Variants in FGF2 observed in about 807,000 individuals in gnomAD.
The protein encoded by FGF2 is fibroblast growth factor 2, also known as basic fibroblast growth factor bFGF.
A neutral mutation model predicts 15.9 loss-of-function variants in FGF2; 13 were observed. That is an observed-to-expected ratio of 0.82 (90% CI 0.53 to 1.30). FGF2 has a LOEUF of 1.30. Ranked by LOEUF, FGF2 falls within the 50% of genes most tolerant of loss-of-function variation. The probability of loss-of-function intolerance (pLI) is 0.00; values close to 1 mark genes in which losing one functional copy is unlikely to be tolerated. For missense variants in FGF2, 163 were observed against 196.9 expected, an observed-to-expected ratio of 0.83 and a Z score of 1.03; for synonymous variants, 90 against 78.4, an observed-to-expected ratio of 1.15 and a Z score of -0.78.
intron 1 of FGF2, among the ~76,000 whole-genome samples, chr4:122,849,122 T>C (rs146910439): frequency 2.1e-4 from 32 of 152,280 alleles, no homozygotes; most frequent in African/African-American, 5.8e-4. Context: ...ACCAAATACA[T>C]AGACATTTTA....
intron 1 of FGF2, among the ~76,000 whole-genome samples, chr4:122,875,557 C>T (rs1436208693): frequency 6.6e-6 from 1 of 151,864 alleles, no homozygotes; most frequent in Non-Finnish European, 1.5e-5. Flanking sequence ...GCCTGTAATC[C>T]CAGCACTTTG....
intron 1 of FGF2, among the ~76,000 whole-genome samples, chr4:122,831,578 G>A (rs1725767581): frequency 6.6e-6 from 1 of 152,202 alleles, no homozygotes; most frequent in Admixed American, 6.5e-5. Flanking sequence ...GTAAACAAAT[G>A]AAGTCAGAAT....
intron 1 of FGF2, among the ~76,000 whole-genome samples, chr4:122,858,639 C>A (rs1292799368): frequency 6.6e-6 from 1 of 152,152 alleles, no homozygotes; most frequent in African/African-American, 2.4e-5. Context: ...CTCAGGCAAT[C>A]TGCCTGCCTT....
intron 2 of FGF2, among the ~76,000 whole-genome samples, chr4:122,880,656 C>T (rs1726943771): frequency 6.6e-6 from 1 of 152,150 alleles, no homozygotes; most frequent in African/African-American, 2.4e-5. Context: ...CAGCTCTGCC[C>T]CTGTGGCTTT....
At chr4:122,861,707 A>G (rs774242680) in intron 1 of FGF2, among the ~76,000 whole-genome samples, 1 of 152,020 alleles carries the variant, frequency 6.6e-6, no homozygotes, top group Admixed American at 6.6e-5. Flanking sequence ...TAGTATTCAG[A>G]GCCTCTGGTA....
In FGF2 at chr4:122,894,071, T is replaced by G. The variant is rs1384604130; in HGVS notation, c.*1675T>G. 1 of 152,222 alleles carries G rather than the reference T, an allele frequency of 6.6e-6. No individual in the cohort carries two copies. The highest frequency in any genetic ancestry group is 1.5e-5 in the Non-Finnish European group (1 of 68,032). 9.4% of individuals were successfully genotyped at this position (152,222 alleles called of 1,614,324 possible). On this transcript the variant is annotated 3_prime_UTR_variant, in exon 3 of 3. Coordinates refer to ENST00000644866, the MANE Select transcript of FGF2 (RefSeq NM_001361665.2). ...AGGAAGTCACAGAAACATGTCTCAA[T>G]TCCCATGTGCTGTGACTGTAGACTG...
At chr4:122,839,680 C>A (rs1294876222) in intron 1 of FGF2, among the ~76,000 whole-genome samples, 1 of 152,184 alleles carries the variant, frequency 6.6e-6, no homozygotes, top group Non-Finnish European at 1.5e-5. Context: ...CTTCTCTTCT[C>A]AGGCCCTGTC....
intron 1 of FGF2, among the ~76,000 whole-genome samples, chr4:122,862,607 A>G (rs1726495192): frequency 6.6e-6 from 1 of 152,294 alleles, no homozygotes; most frequent in East Asian, 1.9e-4. Flanking sequence ...GATTGTGTCA[A>G]TTCTCCTTTG....
At chr4:122,888,685 T>C (rs1435014413) in intron 2 of FGF2, 3 of 152,212 alleles carry the variant, frequency 2.0e-5, no homozygotes, top group African/African-American at 7.2e-5. Flanking sequence ...AACGCCTTCA[T>C]CTCCTTCAAG....
At chr4:122,871,981 A>G (rs745503926) in intron 1 of FGF2, among the ~76,000 whole-genome samples, 11 of 152,162 alleles carry the variant, frequency 7.2e-5, no homozygotes, top group South Asian at 6.2e-4. Flanking sequence ...AATGATCGCA[A>G]TGTCTCTCCA....
rs757751594 is a variant in FGF2, at chr4:122,893,244, G to T, written c.*848G>T. 6.4e-7 allele frequency: 1 copy of T among 1,560,786 alleles called. No individual in the cohort carries two copies. Among genetic ancestry groups the T allele is most frequent in the South Asian group, 1.2e-5 (1 of 82,434 alleles). On this transcript the variant is annotated 3_prime_UTR_variant, in exon 3 of 3. Coordinates refer to ENST00000644866, the MANE Select transcript of FGF2 (RefSeq NM_001361665.2). ...GTGTCTCCTACGTAAAAAAAGAGAT[G>T]TACAAATCAATAATAATTACACTTT...
In FGF2 at chr4:122,827,062, G is replaced by T; in HGVS notation, c.-113G>T. Reference sequence around the variant, plus strand: ...CTGCCGGGCGGGAGGCTGGGGGGCCGGGGCCGGGGCCGTGCCCCGGAGCGG... The same window carrying T: ...CTGCCGGGCGGGAGGCTGGGGGGCCTGGGCCGGGGCCGTGCCCCGGAGCGG... On this transcript the variant is annotated 5_prime_UTR_variant, in exon 1 of 3. Coordinates refer to ENST00000644866, the MANE Select transcript of FGF2 (RefSeq NM_001361665.2). The surrounding 1 kb of genome is among the most constrained non-coding windows in gnomAD (Gnocchi z 4.2). The T allele has an allele frequency of 9.1e-7, 1 of 1,102,818 alleles. No homozygotes were observed. The highest frequency in any genetic ancestry group is 1.1e-6 in the Non-Finnish European group (1 of 906,732). The allele number at this position is 1,102,818 out of a possible 1,614,324, so 68.3% of individuals were successfully genotyped here.
chr4:122,847,651 A>ATCT (rs1471527884), intron 1 of FGF2, among the ~76,000 whole-genome samples: 4 of 141,180 alleles, frequency 2.8e-5, no homozygotes, highest in African/African-American at 1.2e-4. Context: ...CTGTCTATCT[A>ATCT]ATCTATCTAT....
intron 1 of FGF2, among the ~76,000 whole-genome samples, chr4:122,836,445 C>T (rs1725867522): frequency 6.6e-6 from 1 of 152,266 alleles, no homozygotes; most frequent in South Asian, 2.1e-4. Flanking sequence ...TCCATCTTTC[C>T]TTTTCTGTGT....
At chr4:122,840,029 G>C (rs1397557411) in intron 1 of FGF2, among the ~76,000 whole-genome samples, 1 of 152,068 alleles carries the variant, frequency 6.6e-6, no homozygotes, top group Admixed American at 6.6e-5. Context: ...TGTATGTCCA[G>C]GTTTCCTCTT....
intron 1 of FGF2, among the ~76,000 whole-genome samples, chr4:122,849,386 G>C (rs1441526001): frequency 6.6e-6 from 1 of 152,120 alleles, no homozygotes; most frequent in African/African-American, 2.4e-5. Context: ...TCAGTCATGA[G>C]TGGGAGTTGA....
intron 2 of FGF2, among the ~76,000 whole-genome samples, 181 bp from the exon 3 acceptor site, chr4:122,892,030 C>T (rs551402821): frequency 6.6e-6 from 1 of 152,188 alleles, no homozygotes; most frequent in Non-Finnish European, 1.5e-5. Flanking sequence ...CATCCTTCTT[C>T]AGAACTAGTC....
At chr4:122,876,481 AC>A in intron 2 of FGF2, 57 bp downstream of exon 2, 1 of 1,030,796 alleles carries the variant, frequency 9.7e-7, no homozygotes. Context: ...CTGTTAATTT[AC>A]CAGCATTGTT....
At chr4:122,830,863 A>G (rs1375863707) in intron 1 of FGF2, among the ~76,000 whole-genome samples, 1 of 146,774 alleles carries the variant, frequency 6.8e-6, no homozygotes, top group African/African-American at 2.5e-5. Flanking sequence ...GAAGTACTGT[A>G]TCTACCCTTG....
Sources: gnomAD v4.1 joint callset for allele counts (sites outside exome capture counted in the v4.1 genomes callset) on GRCh38, gnomAD v4.1.1 for gene constraint, Gnocchi (gnomAD v3.1) non-coding constraint, MANE v1.5 for transcripts, NCBI Gene and HGNC (gene_info 2026-07-23, HGNC 2026-07-21) for gene names.